Variants in FBXL17 observed in about 807,000 individuals in gnomAD.
FBXL17 encodes the protein F-box/LRR-repeat protein 17.
Under a neutral mutation model 66.2 loss-of-function variants are expected in FBXL17, and 22 were observed. The observed-to-expected ratio is 0.33, with a 90% CI of 0.24 to 0.47. The LOEUF (loss-of-function observed/expected upper bound fraction) is 0.47, where lower values mean the gene tolerates loss of function less well. Ranked by LOEUF, FBXL17 falls within the 20% of genes least tolerant of loss-of-function variation. The pLI, the probability that FBXL17 is intolerant of heterozygous loss-of-function variation, is 1.00. For synonymous variants in FBXL17, 474 were observed against 400.5 expected (o/e 1.18, Z -2.19); for missense variants, 878 against 948.2 (o/e 0.93, Z 0.97).
chr5:108,362,496 T>C (rs923024508), intron 3 of FBXL17, among the ~76,000 whole-genome samples: 1 of 152,142 alleles, frequency 6.6e-6, no homozygotes, highest in African/African-American at 2.4e-5. Flanking sequence ...TCTAGATACA[T>C]GATTGTAGTT....
chr5:108,077,659 T>C (rs962624110), intron 6 of FBXL17, among the ~76,000 whole-genome samples: 11 of 117,966 alleles, frequency 9.3e-5, no homozygotes, highest in Non-Finnish European at 1.5e-4. Flanking sequence ...CAAGATCCTA[T>C]CTCAAAAAAA....
intron 6 of FBXL17, among the ~76,000 whole-genome samples, chr5:108,105,308 G>A (rs961756237): frequency 2.0e-5 from 3 of 152,176 alleles, no homozygotes; most frequent in Admixed American, 6.5e-5. Flanking sequence ...GCACAAAGAG[G>A]GAAAAACACA....
intron 4 of FBXL17, among the ~76,000 whole-genome samples, chr5:108,302,405 A>G (rs896129528): frequency 4.6e-5 from 7 of 151,868 alleles, no homozygotes; most frequent in Non-Finnish European, 7.4e-5. Context: ...CTACAGAGTT[A>G]TATCTTTACC....
intron 6 of FBXL17, among the ~76,000 whole-genome samples, chr5:108,120,413 A>T (rs34385): frequency 8.5e-5 from 13 of 152,108 alleles, no homozygotes; most frequent in African/African-American, 2.9e-4. Context: ...TGCATGACAC[A>T]GATAAAAAAA....
intron 6 of FBXL17, among the ~76,000 whole-genome samples, chr5:108,055,309 A>C (rs112359390): frequency 4.4e-5 from 1 of 22,522 alleles, no homozygotes; most frequent in Non-Finnish European, 8.7e-5. Flanking sequence ...AAAAAAAAAA[A>C]AAAAGAAAAA....
chr5:108,245,360 G>A (rs1756046653), intron 4 of FBXL17, among the ~76,000 whole-genome samples: 2 of 151,706 alleles, frequency 1.3e-5, no homozygotes, highest in African/African-American at 4.8e-5. Context: ...ATCATAAATG[G>A]AAGACAATAA....
chr5:108,153,542 A>C (rs768513631), intron 6 of FBXL17, among the ~76,000 whole-genome samples: 19 of 152,224 alleles, frequency 1.2e-4, no homozygotes, highest in Admixed American at 2.6e-4. Flanking sequence ...ATGAGAAAAT[A>C]AGAATTTAAG....
At chr5:107,877,909 C>T (rs1016319359) in intron 8 of FBXL17, among the ~76,000 whole-genome samples, 5 of 152,080 alleles carry the variant, frequency 3.3e-5, no homozygotes, top group African/African-American at 7.2e-5. Context: ...TCTTCTTCTC[C>T]GTTCCCTAAT....
intron 6 of FBXL17, among the ~76,000 whole-genome samples, chr5:108,172,220 G>A (rs932509848): frequency 6.6e-6 from 1 of 152,166 alleles, no homozygotes; most frequent in Admixed American, 6.5e-5. Context: ...ACCAGTCTGA[G>A]CTTATTCACA....
chr5:108,368,024 G>C (rs978667385), intron 1 of FBXL17, 71 bp from the exon 2 acceptor site: 14 of 1,376,476 alleles, frequency 1.0e-5, no homozygotes, highest in Non-Finnish European at 1.3e-5. Flanking sequence ...GTTTTTATTA[G>C]TTAGAAAAAG....
chr5:108,381,522 C>A lies in FBXL17; in HGVS notation c.170G>T (p.Gly57Val). ...APRSRDCFFR[G>V]PCMLCFIVHS... is the part of the protein sequence containing the mutation. ...CACGATGAAGCAGAGCATGCAGGGC[C>A]CGCGGAAGAAGCAGTCCCGGCTCCG... Residue 57 changes from glycine (G) to valine (V), a missense_variant, in exon 1 of 9, where the codon GGG becomes GTG. Physicochemically the swap from Gly to Val is moderately radical, Grantham distance 109. This residue lies in a region of FBXL17 where 605 missense variants were observed against 509.5 expected (regional missense o/e 1.19). Coordinates refer to ENST00000542267, the MANE Select transcript of FBXL17 (RefSeq NM_001163315.3). 1 of 1,413,680 alleles carries A rather than the reference C, an allele frequency of 7.1e-7. No homozygotes were observed. Among genetic ancestry groups the A allele is most frequent in the Non-Finnish European group, 9.1e-7 (1 of 1,093,388 alleles). 87.6% of individuals were successfully genotyped at this position (1,413,680 alleles called of 1,614,324 possible). A position where few individuals can be genotyped will look rare whatever the true frequency, so the allele number is the denominator to read the frequency against.
chr5:107,932,566 C>A (rs1750769980), intron 7 of FBXL17, among the ~76,000 whole-genome samples: 1 of 152,216 alleles, frequency 6.6e-6, no homozygotes, highest in African/African-American at 2.4e-5. Context: ...TATAATAAAA[C>A]AAATGTCATT....
intron 8 of FBXL17, among the ~76,000 whole-genome samples, chr5:107,863,420 C>A (rs1392353398): frequency 4.0e-5 from 6 of 151,404 alleles, no homozygotes; most frequent in Middle Eastern, 3.5e-3. Context: ...TCCATTATGA[C>A]CCCTTTCACA....
At chr5:108,260,202 T>C (rs959632194) in intron 4 of FBXL17, among the ~76,000 whole-genome samples, 3 of 152,102 alleles carry the variant, frequency 2.0e-5, no homozygotes, top group South Asian at 2.1e-4. Context: ...TAGTTGTTAA[T>C]GTCAGCATTA....
intron 4 of FBXL17, among the ~76,000 whole-genome samples, chr5:108,316,632 T>C (rs1266394432): frequency 1.3e-5 from 2 of 151,450 alleles, no homozygotes; most frequent in East Asian, 1.9e-4. Flanking sequence ...TTTTTAACGA[T>C]GTCTATTCAT....
chr5:108,294,240 T>C (rs922102646), intron 4 of FBXL17, among the ~76,000 whole-genome samples: 1 of 141,742 alleles, frequency 7.1e-6, no homozygotes, highest in Admixed American at 7.3e-5. Context: ...TATATATTCT[T>C]ACTGAATATA....
chr5:108,166,852 T>G (rs1031618333), intron 6 of FBXL17, among the ~76,000 whole-genome samples: 1 of 152,222 alleles, frequency 6.6e-6, no homozygotes, highest in African/African-American at 2.4e-5. Context: ...TTAAAAGGTA[T>G]GCTTCCTGGA....
chr5:108,109,563 T>C (rs916872843), intron 6 of FBXL17, among the ~76,000 whole-genome samples: 3 of 152,204 alleles, frequency 2.0e-5, no homozygotes, highest in African/African-American at 7.2e-5. Flanking sequence ...TGAAAGCCCC[T>C]ATGTCACATA....
At chr5:108,321,574 A>G (rs954977286) in intron 4 of FBXL17, among the ~76,000 whole-genome samples, 3 of 151,928 alleles carry the variant, frequency 2.0e-5, no homozygotes, top group African/African-American at 7.2e-5. Flanking sequence ...GACACATGCC[A>G]TATTGTGAAA....
Sources: gnomAD v4.1 joint callset for allele counts (sites outside exome capture counted in the v4.1 genomes callset) on GRCh38, gnomAD v4.1.1 for gene constraint, gnomAD v4.1.1 regional missense constraint, MANE v1.5 for transcripts, NCBI Gene and HGNC (gene_info 2026-07-23, HGNC 2026-07-21) for gene names.